Variants in SOBP observed in about 807,000 individuals in gnomAD.
The protein encoded by SOBP is sine oculis-binding protein homolog.
A neutral mutation model predicts 53.6 loss-of-function variants in SOBP; 4 were observed. The observed-to-expected ratio is 0.07, with a 90% CI of 0.04 to 0.17. SOBP has a LOEUF of 0.17. SOBP is among the 10% of genes least tolerant of loss of function. SOBP has a pLI of 1.00. For synonymous variants in SOBP, 584 were observed against 522.6 expected (o/e 1.12, Z -1.60); for missense variants, 1,088 against 1,204.7 (o/e 0.90, Z 1.43).
intron 5 of SOBP, among the ~76,000 whole-genome samples, chr6:107,606,912 C>G (rs1398898986): frequency 6.6e-6 from 1 of 152,212 alleles, no homozygotes; most frequent in East Asian, 1.9e-4. Context: ...ATCACCACCC[C>G]CATCCCTTGA....
chr6:107,657,762 G>A (rs899265368), intron 6 of SOBP, among the ~76,000 whole-genome samples: 2 of 151,550 alleles, frequency 1.3e-5, no homozygotes, highest in African/African-American at 4.9e-5. Flanking sequence ...AGAATCACTT[G>A]AAACTGGGAG....
At chr6:107,646,669 G>A (rs1178966843) in intron 6 of SOBP, among the ~76,000 whole-genome samples, 2 of 152,178 alleles carry the variant, frequency 1.3e-5, no homozygotes, top group East Asian at 1.9e-4. Flanking sequence ...CATGGCCTGC[G>A]GCTACTTTTA....
At chr6:107,491,870 C>T (rs779817064) in intron 1 of SOBP, among the ~76,000 whole-genome samples, 2 of 152,170 alleles carry the variant, frequency 1.3e-5, no homozygotes, top group Non-Finnish European at 2.9e-5. Flanking sequence ...ATTTATTGCG[C>T]TTTGACGCTT....
chr6:107,499,966 T>C (rs1017909242), intron 1 of SOBP, among the ~76,000 whole-genome samples: 4 of 152,208 alleles, frequency 2.6e-5, no homozygotes, highest in Non-Finnish European at 5.9e-5. Context: ...ATGAATAACT[T>C]TTTAAATAGG....
intron 4 of SOBP, among the ~76,000 whole-genome samples, chr6:107,540,732 TG>T (rs1231110847): frequency 6.6e-6 from 1 of 152,196 alleles, no homozygotes; most frequent in Non-Finnish European, 1.5e-5. Context: ...AATCGATGGC[TG>T]GGGATGGAAG....
intron 4 of SOBP, among the ~76,000 whole-genome samples, chr6:107,543,083 G>GT (rs1784197904): frequency 2.0e-5 from 3 of 152,196 alleles, no homozygotes; most frequent in Admixed American, 6.5e-5. Context: ...GTATAGTCTG[G>GT]TGATTACTTG....
chr6:107,561,970 T>G (rs1196154923), intron 4 of SOBP, among the ~76,000 whole-genome samples: 1 of 152,206 alleles, frequency 6.6e-6, no homozygotes, highest in African/African-American at 2.4e-5. Context: ...AAATCATGTA[T>G]TCTTTGAACT....
Position 107,490,501 on chromosome 6 carries a change from C to G in SOBP, c.-116C>G. The G allele has an allele frequency of 1.3e-6, 1 of 751,598 alleles. No individual in the cohort carries two copies. 46.6% of individuals were successfully genotyped at this position (751,598 alleles called of 1,614,324 possible). On this transcript the variant is annotated 5_prime_UTR_variant, in exon 1 of 7. Transcript: ENST00000317357. ...GCTCGGTCCGGCCCCGCCAGCACCGCTACCTCCGCCAGCCTCGCCACCATC... is the reference window on the plus strand; with the variant it reads ...GCTCGGTCCGGCCCCGCCAGCACCGGTACCTCCGCCAGCCTCGCCACCATC...
Position 107,661,057 on chromosome 6 carries a change from T to C in SOBP, c.*2854T>C, listed in dbSNP as rs1375456336. 6.6e-6 allele frequency among the ~76,000 whole-genome samples: 1 copy of C among 152,214 alleles called. No individual in the cohort carries two copies. Among genetic ancestry groups the C allele is most frequent in the Non-Finnish European group, 1.5e-5 (1 of 68,040 alleles). On this transcript the variant is annotated 3_prime_UTR_variant, in exon 7 of 7. Coordinates refer to ENST00000317357, the MANE Select transcript of SOBP (RefSeq NM_018013.4). Reference sequence around the variant, plus strand: ...GGTTGTCCTGATAGCATTATTCATCTGGTCTTGGCCATGGAGACAGTCATC... The same window carrying C: ...GGTTGTCCTGATAGCATTATTCATCCGGTCTTGGCCATGGAGACAGTCATC...
chr6:107,576,693 G>T (rs1402704814), intron 4 of SOBP, among the ~76,000 whole-genome samples: 2 of 152,218 alleles, frequency 1.3e-5, no homozygotes, highest in East Asian at 3.8e-4. Flanking sequence ...CAGGGTGATG[G>T]CTGGGAATGG....
intron 4 of SOBP, among the ~76,000 whole-genome samples, chr6:107,545,971 A>G (rs1269095935): frequency 6.6e-6 from 1 of 152,214 alleles, no homozygotes; most frequent in Non-Finnish European, 1.5e-5. Context: ...GCCAAAAACA[A>G]AAAGGAAAAA....
chr6:107,630,648 A>AT (rs1770666417), intron 5 of SOBP, among the ~76,000 whole-genome samples: 1 of 151,812 alleles, frequency 6.6e-6, no homozygotes, highest in Non-Finnish European at 1.5e-5. Context: ...TCCTCTAATA[A>AT]TTTTTTGCTT....
At chr6:107,543,779 G>A (rs1354526446) in intron 4 of SOBP, among the ~76,000 whole-genome samples, 2 of 152,172 alleles carry the variant, frequency 1.3e-5, no homozygotes, top group Non-Finnish European at 2.9e-5. Flanking sequence ...AGATAAAAAT[G>A]TGGTTAGCCG....
At chr6:107,627,835 AG>A (rs1386713848) in intron 5 of SOBP, among the ~76,000 whole-genome samples, 1 of 152,200 alleles carries the variant, frequency 6.6e-6, no homozygotes, top group East Asian at 1.9e-4. Flanking sequence ...GTCTATGACT[AG>A]GTCATCTTTT....
At chr6:107,589,855 G>GCA (rs150918163) in intron 5 of SOBP, among the ~76,000 whole-genome samples, 17 of 151,554 alleles carry the variant, frequency 1.1e-4, no homozygotes, top group Middle Eastern at 3.2e-3. Context: ...GCACACACGT[G>GCA]CACACACACA....
chr6:107,588,552 A>G (rs1412634065), intron 5 of SOBP, among the ~76,000 whole-genome samples: 2 of 152,224 alleles, frequency 1.3e-5, no homozygotes, highest in South Asian at 4.1e-4. Context: ...AACTATGATT[A>G]TTCAGCAGAA....
chr6:107,493,974 A>G (rs915251377), intron 1 of SOBP, among the ~76,000 whole-genome samples: 6 of 152,242 alleles, frequency 3.9e-5, no homozygotes, highest in Non-Finnish European at 7.3e-5. Context: ...AATTTTGTGT[A>G]TGAAAAGTAC....
At chr6:107,547,969 G>T (rs1358594340) in intron 4 of SOBP, among the ~76,000 whole-genome samples, 1 of 152,190 alleles carries the variant, frequency 6.6e-6, no homozygotes, top group Non-Finnish European at 1.5e-5. Flanking sequence ...TACTGCAGGT[G>T]AATGGAAGGG....
At chr6:107,565,047 A>G (rs1562618551) in intron 4 of SOBP, among the ~76,000 whole-genome samples, 3 of 152,246 alleles carry the variant, frequency 2.0e-5, no homozygotes, top group Admixed American at 1.3e-4. Flanking sequence ...GGATGGTTGT[A>G]ACACAAATTG....
Sources: allele counts gnomAD v4.1 joint callset (sites outside exome capture counted in the v4.1 genomes callset), GRCh38; gene constraint gnomAD v4.1.1; transcripts MANE v1.5; gene names NCBI Gene and HGNC (gene_info 2026-07-23, HGNC 2026-07-21).